The following LGR5 variants were observed in gnomAD, a reference collection of about 807,000 sequenced individuals.
LGR5 encodes leucine rich repeat containing G protein-coupled receptor 5.
In LGR5, 54 loss-of-function variants were observed where a neutral mutation model predicts 76.7. That is an observed-to-expected ratio of 0.70 (90% confidence interval 0.57 to 0.88). The LOEUF is 0.88. Among genes scored for constraint, LGR5 ranks in the 40% least tolerant of loss-of-function variants. The pLI is 0.00. For synonymous variants in LGR5, 406 were observed against 421.9 expected (o/e 0.96, Z 0.46); for missense variants, 1,078 against 1,073.3 (o/e 1.00, Z -0.06).
intron 1 of LGR5, among the ~76,000 whole-genome samples, chr12:71,502,151 C>T (rs1874635269): frequency 6.7e-6 from 1 of 149,278 alleles, no homozygotes. Flanking sequence ...TCAGGTAGCA[C>T]AGTAAAGTTA....
chr12:71,584,139 C>G lies in LGR5; in HGVS notation c.2129C>G (p.Pro710Arg). Residue 710 changes from proline (P) to arginine (R), a missense_variant, in exon 18 of 18, where the codon CCT becomes CGT. Coordinates refer to ENST00000266674, the MANE Select transcript of LGR5 (RefSeq NM_003667.4). ...GGTGGCAGCAAGTATGGCGCCTCCC[C>G]TCTCTGCCTGCCTTTGCCTTTTGGG... Reference protein sequence around the residue: ...LLGGSKYGASPLCLPLPFGEP... With the variant: ...LLGGSKYGASRLCLPLPFGEP... 1.2e-6 allele frequency: 2 copies of G among 1,614,194 alleles called. No homozygotes were observed. The highest frequency in any genetic ancestry group is 2.2e-5 in the South Asian group (2 of 91,090).
chr12:71,536,076 G>C (rs1245523806), intron 4 of LGR5, among the ~76,000 whole-genome samples: 1 of 152,080 alleles, frequency 6.6e-6, no homozygotes, highest in African/African-American at 2.4e-5. Flanking sequence ...TATATCACAC[G>C]TGTGATATAT....
intron 4 of LGR5, among the ~76,000 whole-genome samples, 200 bp from the exon 5 acceptor site, chr12:71,552,873 G>C (rs1223198590): frequency 6.6e-6 from 1 of 152,038 alleles, no homozygotes; most frequent in Non-Finnish European, 1.5e-5. Flanking sequence ...TAGAGCCAGA[G>C]GACCTAGGAA....
chr12:71,446,782 T>C (rs1872015077), intron 1 of LGR5, among the ~76,000 whole-genome samples: 1 of 152,236 alleles, frequency 6.6e-6, no homozygotes. Flanking sequence ...AATGCAGTTT[T>C]CAATTTTCCA....
chr12:71,565,352 C>A (rs1453078506), intron 8 of LGR5, among the ~76,000 whole-genome samples: 1 of 149,914 alleles, frequency 6.7e-6, no homozygotes, highest in Admixed American at 6.6e-5. Context: ...CCTCAATTTT[C>A]TCTTCCAAAA....
Position 71,561,804 on chromosome 12 carries a change from G to C in LGR5, c.809G>C (p.Arg270Thr), listed in dbSNP as rs1416806580. 1.2e-5 allele frequency: 20 copies of C among 1,604,068 alleles called. No individual in the cohort carries two copies. The highest frequency in any genetic ancestry group is 1.6e-5 in the Non-Finnish European group (19 of 1,173,682). The change falls in exon 8 of 18, where the codon AGG (arginine) becomes ACG (threonine). Residue 270 changes from arginine to threonine, a missense_variant. Transcript: ENST00000266674. ...AGAGGATTTCATAGCAACAATATCA[G>C]GTCGATACCTGAGAAAGCATTTGTA... ...KELGFHSNNI[R>T]SIPEKAFVGN...
intron 1 of LGR5, among the ~76,000 whole-genome samples, chr12:71,494,669 T>G: frequency 6.6e-6 from 1 of 150,852 alleles, no homozygotes. Flanking sequence ...AGCAGAGGAG[T>G]CCCAGGCTCC....
intron 1 of LGR5, among the ~76,000 whole-genome samples, chr12:71,493,913 C>T (rs1874191718): frequency 6.7e-6 from 1 of 149,060 alleles, no homozygotes; most frequent in Non-Finnish European, 1.5e-5. Context: ...GGACCACAGG[C>T]ATGGGCCACC....
intron 1 of LGR5, chr12:71,448,316 A>G (rs1032782026): frequency 6.6e-6 from 1 of 152,242 alleles, no homozygotes; most frequent in African/African-American, 2.4e-5. Flanking sequence ...AAAAAGCCAC[A>G]AAAGTGTACT....
chr12:71,448,505 T>C (rs1442689691), intron 1 of LGR5: 1 of 152,254 alleles, frequency 6.6e-6, no homozygotes, highest in Non-Finnish European at 1.5e-5. Context: ...TTAATGAGTT[T>C]ATTGGTTCGA....
rs371298705 is a variant in LGR5, at chr12:71,580,441, A to C, written c.1552+18A>C. The stretch of plus-strand genomic sequence containing the variant: ...GGCTCAAGGTAGGACTTGCTATGCC[A>C]TGGTAATGAAATTGTGTTGTGTTCA... On this transcript the variant is annotated intron_variant, in intron 16 of 17. Coordinates refer to ENST00000266674, the MANE Select transcript of LGR5 (RefSeq NM_003667.4). 1 of 1,606,576 alleles carries C rather than the reference A, an allele frequency of 6.2e-7. No homozygotes were observed. Among genetic ancestry groups the C allele is most frequent in the Non-Finnish European group, 8.5e-7 (1 of 1,176,524 alleles).
At chr12:71,480,740 A>G (rs894635134) in intron 1 of LGR5, among the ~76,000 whole-genome samples, 2 of 152,182 alleles carry the variant, frequency 1.3e-5, no homozygotes, top group African/African-American at 4.8e-5. Context: ...GGAGACTTCA[A>G]CCAACAGCTG....
intron 1 of LGR5, among the ~76,000 whole-genome samples, chr12:71,476,278 T>C (rs1873332236): frequency 6.6e-6 from 1 of 152,208 alleles, no homozygotes; most frequent in Non-Finnish European, 1.5e-5. Context: ...GGAAAATGTA[T>C]TGACAGTTTT....
At chr12:71,512,773 G>A (rs1222363883) in intron 2 of LGR5, among the ~76,000 whole-genome samples, 2 of 152,190 alleles carry the variant, frequency 1.3e-5, no homozygotes, top group Non-Finnish European at 2.9e-5. Flanking sequence ...GGAGGCAAGA[G>A]GATGCCCAGT....
chr12:71,552,699 C>A (rs1368292678), intron 4 of LGR5, among the ~76,000 whole-genome samples: 1 of 152,104 alleles, frequency 6.6e-6, no homozygotes, highest in Non-Finnish European at 1.5e-5. Context: ...CAAAAACATT[C>A]CTTTGGCTTA....
At chr12:71,443,284 A>C (rs1871846892) in intron 1 of LGR5, among the ~76,000 whole-genome samples, 1 of 152,238 alleles carries the variant, frequency 6.6e-6, no homozygotes, top group Admixed American at 6.5e-5. Context: ...GCCATTTTGT[A>C]ATCTTTTTTT....
chr12:71,551,274 G>A (rs1433270190), intron 4 of LGR5, among the ~76,000 whole-genome samples: 2 of 152,236 alleles, frequency 1.3e-5, no homozygotes, highest in African/African-American at 4.8e-5. Context: ...TGGCATAGTG[G>A]CCAAAAGTGA....
chr12:71,567,197 T>C (rs1878393297), intron 11 of LGR5: 1 of 389,352 alleles, frequency 2.6e-6, no homozygotes, highest in Admixed American at 3.7e-5. Context: ...CCAAAATCAC[T>C]TTATTTCCCC....
chr12:71,542,078 C>A (rs934764350), intron 4 of LGR5, among the ~76,000 whole-genome samples: 3 of 152,176 alleles, frequency 2.0e-5, no homozygotes, highest in Non-Finnish European at 4.4e-5. Context: ...AAAGCGTGAG[C>A]CAGTCAGCCT....
Sources: allele counts gnomAD v4.1 joint callset (sites outside exome capture counted in the v4.1 genomes callset), GRCh38; gene constraint gnomAD v4.1.1; transcripts MANE v1.5; gene names NCBI Gene and HGNC (gene_info 2026-07-23, HGNC 2026-07-21).